Variants in SIGLEC6 observed in about 807,000 individuals in gnomAD.
The protein encoded by SIGLEC6 is sialic acid-binding Ig-like lectin 6.
A neutral mutation model predicts 41.4 loss-of-function variants in SIGLEC6; 31 were observed. That is an observed-to-expected ratio of 0.75 (90% CI 0.56 to 1.01). SIGLEC6 has a LOEUF of 1.01. Among genes scored for constraint, SIGLEC6 ranks in the 50% least tolerant of loss-of-function variants. The pLI is 0.00. For missense variants in SIGLEC6, 555 were observed against 558.6 expected, an observed-to-expected ratio of 0.99 and a Z score of 0.06; for synonymous variants, 217 against 231.0, an observed-to-expected ratio of 0.94 and a Z score of 0.55.
At position 51,529,703 on chromosome 19, in the gene SIGLEC6, C is replaced by T. The variant is rs199838193; in HGVS notation, c.1012+21G>A. On this transcript the variant is annotated intron_variant, in intron 5 of 7. Coordinates refer to ENST00000425629, the MANE Select transcript of SIGLEC6 (RefSeq NM_001245.7). ...TCTCGCCCAGCTGCCCACACTCTCGCGCACCTCCCCCCACACTCACAATGC... is the reference window on the plus strand; with the variant it reads ...TCTCGCCCAGCTGCCCACACTCTCGTGCACCTCCCCCCACACTCACAATGC... 646 of 1,613,516 alleles carry T rather than the reference C, an allele frequency of 4.0e-4. 3 individuals are homozygous for T. The highest frequency in any genetic ancestry group is 8.7e-5 in the Non-Finnish European group (103 of 1,179,752).
intron 7 of SIGLEC6, among the ~76,000 whole-genome samples, chr19:51,526,078 A>G (rs8101465): frequency 0.79 from 119,673 of 152,100 alleles, 47,397 homozygotes; most frequent in Admixed American, 0.84. Context: ...AACCCAGGGT[A>G]ATTATTCCAA....
chr19:51,527,723 G>T, intron 7 of SIGLEC6, 24 bp downstream of exon 7: 1 of 1,609,130 alleles, frequency 6.2e-7, no homozygotes, highest in Non-Finnish European at 8.5e-7. Context: ...ATGCTGAATG[G>T]AAATTAAGGT....
At chr19:51,528,101 C>T in intron 6 of SIGLEC6, 59 bp downstream of exon 6, 1 of 1,469,358 alleles carries the variant, frequency 6.8e-7, no homozygotes, top group Non-Finnish European at 9.5e-7. Flanking sequence ...TGAGATTCTG[C>T]CACCTGTGTG....
intron 7 of SIGLEC6, among the ~76,000 whole-genome samples, chr19:51,523,393 G>A (rs1978630071): frequency 6.6e-6 from 1 of 152,136 alleles, no homozygotes; most frequent in South Asian, 2.1e-4. Context: ...AAGGGGAAGG[G>A]AGTTAAAGAA....
chr19:51,526,388 C>G (rs1235506779), intron 7 of SIGLEC6, among the ~76,000 whole-genome samples: 1 of 152,212 alleles, frequency 6.6e-6, no homozygotes, highest in Non-Finnish European at 1.5e-5. Context: ...AGCCATTATG[C>G]TTAAGCACCA....
chr19:51,526,037 C>A (rs1008435848), intron 7 of SIGLEC6, among the ~76,000 whole-genome samples: 2 of 151,990 alleles, frequency 1.3e-5, no homozygotes, highest in African/African-American at 2.4e-5. Flanking sequence ...CAGGTAAGTC[C>A]CCCTGCTTGG....
rs2122417261 is a variant in SIGLEC6, at chr19:51,528,235, G to T, written c.1031C>A (p.Ala344Asp). 6.2e-7 allele frequency: 1 copy of T among 1,614,014 alleles called. No homozygotes were observed. Among genetic ancestry groups the T allele is most frequent in the South Asian group, 1.1e-5 (1 of 91,080 alleles). Reference protein sequence around the residue: ...LFVHWKPEGRAGGVLGAVWGA... With the variant: ...LFVHWKPEGRDGGVLGAVWGA... ...CCAGACTGCTCCCAGGACACCACCAGCCCTGCCTTCTGGTTTCCCTATAAT... is the reference window on the plus strand; with the variant it reads ...CCAGACTGCTCCCAGGACACCACCATCCCTGCCTTCTGGTTTCCCTATAAT... The change falls in exon 6 of 8, where the codon GCT becomes GAT. Residue 344 changes from alanine to aspartate, a missense_variant. Transcript: ENST00000425629.
intron 7 of SIGLEC6, among the ~76,000 whole-genome samples, chr19:51,520,544 C>T (rs533335460): frequency 1.7e-3 from 263 of 152,050 alleles, no homozygotes; most frequent in African/African-American, 5.7e-3. Flanking sequence ...ATGCACCCCA[C>T]CTGGCTAATT....
Position 51,520,042 on chromosome 19 carries a change from C to T in SIGLEC6, c.*40G>A. ...TAGTAACCAATACACTGAGAGGTACCATGTTCTCTCCAATCAAGGTTATGG... is the reference window on the plus strand; with the variant it reads ...TAGTAACCAATACACTGAGAGGTACTATGTTCTCTCCAATCAAGGTTATGG... On this transcript the variant is annotated 3_prime_UTR_variant, in exon 8 of 8. Coordinates refer to ENST00000425629, the MANE Select transcript of SIGLEC6 (RefSeq NM_001245.7). The T allele has an allele frequency of 6.7e-7, 1 of 1,491,608 alleles. No individual in the cohort carries two copies. The highest frequency in any genetic ancestry group is 9.1e-7 in the Non-Finnish European group (1 of 1,096,880). The allele number at this position is 1,491,608 out of a possible 1,614,324, so 92.4% of individuals were successfully genotyped here. A position where few individuals can be genotyped will look rare whatever the true frequency, so the allele number is the denominator to read the frequency against.
At chr19:51,520,714 C>T (rs1225808177) in intron 7 of SIGLEC6, among the ~76,000 whole-genome samples, 1 of 152,160 alleles carries the variant, frequency 6.6e-6, no homozygotes, top group Non-Finnish European at 1.5e-5. Flanking sequence ...TTAAGATTGG[C>T]AAGCCCTTAG....
At chr19:51,530,516 C>T (rs1980087812) in intron 3 of SIGLEC6, 32 bp from the exon 4 acceptor site, 1 of 1,613,874 alleles carries the variant, frequency 6.2e-7, no homozygotes, top group East Asian at 2.2e-5. Flanking sequence ...GCCTCAACAT[C>T]CCTGAGGAGG....
chr19:51,521,389 T>A (rs1332180761), intron 7 of SIGLEC6, among the ~76,000 whole-genome samples: 1 of 152,132 alleles, frequency 6.6e-6, no homozygotes. Flanking sequence ...TGTGTGTGTG[T>A]GTGTTCAGGG....
At position 51,529,759 on chromosome 19, in the gene SIGLEC6, C is replaced by T. The variant is rs778961312; in HGVS notation, c.977G>A (p.Gly326Asp). 6.2e-7 allele frequency: 1 copy of T among 1,614,164 alleles called. No individual in the cohort carries two copies. The highest frequency in any genetic ancestry group is 1.1e-5 in the South Asian group (1 of 91,082). Residue 326 changes from glycine to aspartate, a missense_variant, in exon 5 of 8, where the codon GGC becomes GAC. Gly to Asp is a moderately conservative substitution (Grantham distance 94). Transcript: ENST00000425629. ...GAGACTCAGAGAGATTTGCAGGGAG[C>T]CCAGAGGATGCTGAGCACGGCAGGT... ...DFTCRAQHPLGSLQISLSLFV... is the reference protein window; with the variant it reads ...DFTCRAQHPLDSLQISLSLFV...
chr19:51,525,183 G>GCTA (rs1458192854), intron 7 of SIGLEC6, among the ~76,000 whole-genome samples: 1 of 152,130 alleles, frequency 6.6e-6, no homozygotes, highest in Non-Finnish European at 1.5e-5. Flanking sequence ...CCTCACCTCT[G>GCTA]CTACAGCTCG....
chr19:51,518,251 A>G lies in SIGLEC6; in HGVS notation c.*1831T>C, dbSNP rs532216106. 1.3e-5 allele frequency among the ~76,000 whole-genome samples: 2 copies of G among 152,342 alleles called. No individual in the cohort carries two copies. Among genetic ancestry groups the G allele is most frequent in the Admixed American group, 6.5e-5 (1 of 15,300 alleles). On this transcript the variant is annotated 3_prime_UTR_variant, in exon 8 of 8. Transcript: ENST00000425629. ...ACATTTATTTCTCTTAAGCCATCAA[A>G]GACATCTTTCTATTGCATTTAGCCT...
chr19:51,529,695 C>A, intron 5 of SIGLEC6, 29 bp downstream of exon 5: 2 of 1,613,194 alleles, frequency 1.2e-6, no homozygotes, highest in Non-Finnish European at 1.7e-6. Flanking sequence ...CAGCTGCCCA[C>A]ACTCTCGCGC....
At position 51,518,862 on chromosome 19, in the gene SIGLEC6, A is replaced by T. The variant is rs941677119; in HGVS notation, c.*1220T>A. 6.6e-6 allele frequency among the ~76,000 whole-genome samples: 1 copy of T among 152,170 alleles called. No individual in the cohort carries two copies. The highest frequency in any genetic ancestry group is 2.1e-4 in the South Asian group (1 of 4,832). On this transcript the variant is annotated 3_prime_UTR_variant, in exon 8 of 8. Coordinates refer to ENST00000425629, the MANE Select transcript of SIGLEC6 (RefSeq NM_001245.7). ...GATCATGTAGAGAGCCTTGAGCAGAAAGATGATGGATGGAAACCTTATTTT... is the reference window on the plus strand; with the variant it reads ...GATCATGTAGAGAGCCTTGAGCAGATAGATGATGGATGGAAACCTTATTTT...
Position 51,518,267 on chromosome 19 carries a change from C to A in SIGLEC6, c.*1815G>T, listed in dbSNP as rs1892823299. ...AGCCATCAAAGACATCTTTCTATTG[C>A]ATTTAGCCTTCCAATATTGCTCCTA... is the stretch of plus-strand genomic sequence containing the variant. On this transcript the variant is annotated 3_prime_UTR_variant, in exon 8 of 8. Coordinates refer to ENST00000425629, the MANE Select transcript of SIGLEC6 (RefSeq NM_001245.7). Among the ~76,000 whole-genome samples, 1 of 152,174 alleles carries A rather than the reference C, an allele frequency of 6.6e-6. No homozygotes were observed. Among genetic ancestry groups the A allele is most frequent in the African/African-American group, 2.4e-5 (1 of 41,430 alleles).
rs776810127 is a variant in SIGLEC6, at chr19:51,518,364, G to C, written c.*1718C>G. ...GTTTTGTTTTGCTTTTTCTGAGTTG[G>C]AGTCTCGCTCTGTTGCCCAGGCTGG... On this transcript the variant is annotated 3_prime_UTR_variant, in exon 8 of 8. Transcript: ENST00000425629. Among the ~76,000 whole-genome samples, 6 of 152,130 alleles carry C rather than the reference G, an allele frequency of 3.9e-5. No individual in the cohort carries two copies. The highest frequency in any genetic ancestry group is 6.6e-5 in the Admixed American group (1 of 15,264).
Sources: allele counts gnomAD v4.1 joint callset (sites outside exome capture counted in the v4.1 genomes callset), GRCh38; gene constraint gnomAD v4.1.1; transcripts MANE v1.5; gene names NCBI Gene and HGNC (gene_info 2026-07-23, HGNC 2026-07-21).